The following DPYD variants were observed in gnomAD, a reference collection of about 807,000 sequenced individuals.
The protein encoded by DPYD is dihydropyrimidine dehydrogenase [NADP(+)].
In DPYD, 109 loss-of-function variants were observed where a neutral mutation model predicts 116.2. That is an observed-to-expected ratio of 0.94 (90% CI 0.80 to 1.10). The LOEUF is 1.10. Among genes scored for constraint, DPYD ranks in the 50% least tolerant of loss-of-function variants. The pLI is 0.00. For missense variants in DPYD, 1,302 were observed against 1,254.5 expected (o/e 1.04, Z -0.57); for synonymous variants, 440 against 432.0 (o/e 1.02, Z -0.23).
intron 20 of DPYD, 117 bp downstream of exon 20, chr1:97,192,952 C>T (rs902023866): frequency 4.7e-5 from 55 of 1,181,326 alleles, no homozygotes; most frequent in Non-Finnish European, 5.0e-6. Context: ...CTGAAGAAAT[C>T]ACATCCAGGA....
At chr1:97,164,087 T>C (rs1656125424) in intron 20 of DPYD, among the ~76,000 whole-genome samples, 1 of 152,186 alleles carries the variant, frequency 6.6e-6, no homozygotes, top group South Asian at 2.1e-4. Flanking sequence ...CATGACCAAG[T>C]AGGCTTTATC....
At chr1:97,725,606 C>G (rs926327501) in intron 4 of DPYD, among the ~76,000 whole-genome samples, 1 of 151,532 alleles carries the variant, frequency 6.6e-6, no homozygotes, top group African/African-American at 2.4e-5. Flanking sequence ...GCATGTAGAT[C>G]AATGTGATAT....
intron 14 of DPYD, among the ~76,000 whole-genome samples, chr1:97,425,439 G>A (rs532955392): frequency 1.2e-4 from 19 of 152,090 alleles, no homozygotes; most frequent in Non-Finnish European, 2.5e-4. Flanking sequence ...CAAGAATATT[G>A]TTACTAAAAC....
chr1:97,523,200 T>A (rs1295165572), intron 12 of DPYD, among the ~76,000 whole-genome samples: 1 of 152,148 alleles, frequency 6.6e-6, no homozygotes, highest in East Asian at 1.9e-4. Flanking sequence ...AAATGGAGAT[T>A]AAGGAAAAGC....
chr1:97,373,274 A>C (rs1168938932), intron 16 of DPYD, among the ~76,000 whole-genome samples: 1 of 152,230 alleles, frequency 6.6e-6, no homozygotes, highest in Non-Finnish European at 1.5e-5. Flanking sequence ...ACTGCATTTG[A>C]AATCAGCTAA....
rs139516767 is a variant in DPYD, at chr1:97,911,797, A to G, written c.39+9087T>C. Among the ~76,000 whole-genome samples the G allele has an allele frequency of 2.5e-4, 38 of 152,192 alleles. No individual in the cohort carries two copies. The East Asian group carries it at 5.6e-3, about 23-fold the overall frequency. ...ATGAGACAGCTGCAGTTAGTATTACATTTACTCATTCTAGATAACAACCTG... is the reference window on the plus strand; with the variant it reads ...ATGAGACAGCTGCAGTTAGTATTACGTTTACTCATTCTAGATAACAACCTG... On this transcript the variant is annotated intron_variant, in intron 1 of 22. Transcript: ENST00000370192.
chr1:97,629,464 C>T (rs113499818), intron 8 of DPYD, among the ~76,000 whole-genome samples: 16 of 152,180 alleles, frequency 1.1e-4, no homozygotes, highest in East Asian at 3.9e-4. Context: ...GGGCATCATT[C>T]ATCGTTTGAA....
At chr1:97,306,431 A>T in intron 16 of DPYD, 134 bp from the exon 17 acceptor site, 1 of 1,214,020 alleles carries the variant, frequency 8.2e-7, no homozygotes. Context: ...ATATTTCTCA[A>T]ATTCCTCCTC....
At chr1:97,200,566 C>T (rs1001129234) in intron 19 of DPYD, among the ~76,000 whole-genome samples, 5 of 152,146 alleles carry the variant, frequency 3.3e-5, no homozygotes, top group African/African-American at 1.2e-4. Flanking sequence ...TATATTATCT[C>T]TTCTTACTAA....
intron 20 of DPYD, among the ~76,000 whole-genome samples, chr1:97,120,678 C>T (rs1210906568): frequency 2.0e-5 from 3 of 152,120 alleles, no homozygotes; most frequent in African/African-American, 7.2e-5. Flanking sequence ...TCCTCTGCAC[C>T]CCCAACCACG....
intron 18 of DPYD, chr1:97,296,129 T>C (rs1666511007): frequency 1.3e-5 from 2 of 152,046 alleles, no homozygotes; most frequent in Non-Finnish European, 2.9e-5. Context: ...ACATAGAATA[T>C]AAAAATTTGG....
chr1:97,505,901 GA>G (rs1647290731), intron 13 of DPYD, among the ~76,000 whole-genome samples: 1 of 151,952 alleles, frequency 6.6e-6, no homozygotes, highest in African/African-American at 2.4e-5. Flanking sequence ...AGGGCAGGAT[GA>G]AAAGGGCAAT....
At chr1:97,879,035 C>CA (rs1672052031) in intron 2 of DPYD, among the ~76,000 whole-genome samples, 1 of 151,910 alleles carries the variant, frequency 6.6e-6, no homozygotes, top group South Asian at 2.1e-4. Flanking sequence ...TTTCCTTATT[C>CA]AAAAAAATTC....
At chr1:97,242,159 T>C (rs1170079111) in intron 18 of DPYD, among the ~76,000 whole-genome samples, 1 of 127,874 alleles carries the variant, frequency 7.8e-6, no homozygotes, top group Admixed American at 7.8e-5. Flanking sequence ...TATATATATA[T>C]ATATATATAT....
rs146423864 is a variant in DPYD at position 97,312,128 on chromosome 1, G to A, written c.2059-5831C>T. ...CATACATATATGTTTCATGTATGTT[G>A]TCTATATTCCACAATAAGAAAATAT... is the stretch of plus-strand genomic sequence containing the variant. On this transcript the variant is annotated intron_variant, in intron 16 of 22. Transcript: ENST00000370192. Among the ~76,000 whole-genome samples the A allele has an allele frequency of 4.3e-3, 648 of 151,792 alleles. 11 individuals carry two copies. The highest frequency in any genetic ancestry group is 0.015 in the African/African-American group (622 of 41,448).
chr1:97,389,244 G>A (rs1040811446), intron 14 of DPYD, among the ~76,000 whole-genome samples: 46 of 151,326 alleles, frequency 3.0e-4, no homozygotes, highest in Admixed American at 2.2e-3. Flanking sequence ...GGAGTTTTGA[G>A]GCTTCAGTGA....
At chr1:97,130,986 C>T (rs1041927873) in intron 20 of DPYD, among the ~76,000 whole-genome samples, 1 of 149,156 alleles carries the variant, frequency 6.7e-6, no homozygotes, top group East Asian at 2.1e-4. Flanking sequence ...TACTTAATTA[C>T]TGAAAATCAT....
intron 3 of DPYD, among the ~76,000 whole-genome samples, chr1:97,783,720 G>T (rs1194896809): frequency 1.3e-5 from 2 of 152,108 alleles, no homozygotes; most frequent in Non-Finnish European, 2.9e-5. Flanking sequence ...TCAAAGTAAG[G>T]AGGCATCATT....
intron 18 of DPYD, among the ~76,000 whole-genome samples, chr1:97,261,318 T>C (rs577577531): frequency 5.3e-5 from 8 of 152,094 alleles, no homozygotes; most frequent in Non-Finnish European, 8.8e-5. Context: ...TTAGAATACA[T>C]TATTTTTATG....
Sources: allele counts gnomAD v4.1 joint callset (sites outside exome capture counted in the v4.1 genomes callset), GRCh38; gene constraint gnomAD v4.1.1; transcripts MANE v1.5; gene names NCBI Gene and HGNC (gene_info 2026-07-23, HGNC 2026-07-21).